The following KPNA5 variants were observed in gnomAD, a reference collection of about 807,000 sequenced individuals.
KPNA5 encodes karyopherin subunit alpha 5.
KPNA5 carries 46 observed loss-of-function variants against 71.3 expected under a neutral mutation model. That is an observed-to-expected ratio of 0.65 (90% CI 0.51 to 0.83). The LOEUF (loss-of-function observed/expected upper bound fraction) is 0.83, where lower values mean the gene tolerates loss of function less well. Ranked by LOEUF, KPNA5 falls within the 40% of genes least tolerant of loss-of-function variation. The pLI is 0.00. For missense variants in KPNA5, 547 were observed against 628.3 expected (o/e 0.87, Z 1.38); for synonymous variants, 207 against 201.4 (o/e 1.03, Z -0.24).
At chr6:116,712,193 A>G (rs9400953) in intron 7 of KPNA5, among the ~76,000 whole-genome samples, 42,423 of 151,968 alleles carry the variant, frequency 0.28, 6,676 homozygotes, top group African/African-American at 0.43. Context: ...TACCCACCTT[A>G]GCCTCCCAAA....
rs1192878563 is a variant in KPNA5, at chr6:116,739,784, G to A, written c.*7461G>A. On this transcript the variant is annotated 3_prime_UTR_variant, in exon 14 of 14. Coordinates refer to ENST00000368564, the MANE Select transcript of KPNA5 (RefSeq NM_001366306.2). ...TTTAATAAATGGTGCTGGGAAAACT[G>A]GCTAGCCATATGTAGAAAGCTGAAA... 1 of 151,472 alleles carries A rather than the reference G, an allele frequency of 6.6e-6. No individual in the cohort carries two copies. The highest frequency in any genetic ancestry group is 1.9e-4 in the East Asian group (1 of 5,190). The allele number at this position is 151,472 out of a possible 1,614,324, so 9.4% of individuals were successfully genotyped here. A position where few individuals can be genotyped will look rare whatever the true frequency, so the allele number is the denominator to read the frequency against.
intron 1 of KPNA5, among the ~76,000 whole-genome samples, chr6:116,688,397 A>G (rs1332744436): frequency 1.3e-5 from 2 of 152,154 alleles, no homozygotes; most frequent in Non-Finnish European, 2.9e-5. Context: ...ACAGAATAAC[A>G]TACTGGGTAC....
In KPNA5 at chr6:116,735,922, T is replaced by C. The variant is rs1001246576; in HGVS notation, c.*3599T>C. On this transcript the variant is annotated 3_prime_UTR_variant, in exon 14 of 14. Coordinates refer to ENST00000368564, the MANE Select transcript of KPNA5 (RefSeq NM_001366306.2). ...ATTAAAGTGCAGAGGTTATCAGTTT[T>C]AATAAAAAAGTAAGGCCGTATTTTG... The C allele has an allele frequency of 6.6e-6, 1 of 151,826 alleles. No individual in the cohort carries two copies. Among genetic ancestry groups the C allele is most frequent in the African/African-American group, 2.4e-5 (1 of 41,420 alleles). The allele number at this position is 151,826 out of a possible 1,614,324, so 9.4% of individuals were successfully genotyped here. A position where few individuals can be genotyped will look rare whatever the true frequency, so the allele number is the denominator to read the frequency against.
rs145582620 is a variant in KPNA5 at position 116,688,230 on chromosome 6, G to A, written c.5-1090G>A. ...CAAGATTTAAAGCATGTATTTTAGT[G>A]TACTCCTTACAATAAAATTTGCCAA... On this transcript the variant is annotated intron_variant, in intron 1 of 13. Transcript: ENST00000368564. Among the ~76,000 whole-genome samples, 535 of 152,186 alleles carry A rather than the reference G, an allele frequency of 3.5e-3. 5 individuals carry two copies. Among genetic ancestry groups the A allele is most frequent in the African/African-American group, 0.012 (511 of 41,522 alleles).
chr6:116,728,240 C>G (rs1174397862), intron 12 of KPNA5, among the ~76,000 whole-genome samples: 1 of 151,794 alleles, frequency 6.6e-6, no homozygotes, highest in Non-Finnish European at 1.5e-5. Flanking sequence ...ATTTGGGCTG[C>G]AAGTTTGTTC....
At chr6:116,730,634 G>A (rs1385704117) in intron 13 of KPNA5, among the ~76,000 whole-genome samples, 1 of 152,050 alleles carries the variant, frequency 6.6e-6, no homozygotes, top group Non-Finnish European at 1.5e-5. Flanking sequence ...CTTTCCAAAG[G>A]CCTGTTGCTG....
At chr6:116,693,363 G>A (rs1777884879) in intron 4 of KPNA5, among the ~76,000 whole-genome samples, 1 of 152,182 alleles carries the variant, frequency 6.6e-6, no homozygotes, top group African/African-American at 2.4e-5. Context: ...CAGTGTAAAA[G>A]TGTTCCTATT....
chr6:116,713,771 C>T (rs1268846608), intron 7 of KPNA5, among the ~76,000 whole-genome samples: 1 of 152,008 alleles, frequency 6.6e-6, no homozygotes, highest in Non-Finnish European at 1.5e-5. Context: ...ATTAACCTAT[C>T]TTAGGGTTGT....
chr6:116,681,646 C>A (rs1777361445), intron 1 of KPNA5: 1 of 771,742 alleles, frequency 1.3e-6, no homozygotes, highest in Non-Finnish European at 1.7e-6. Flanking sequence ...TAGTTCTTTT[C>A]AGTTAATGGA....
intron 3 of KPNA5, 51 bp from the exon 4 acceptor site, chr6:116,692,242 A>T: frequency 7.0e-7 from 1 of 1,430,904 alleles, no homozygotes; most frequent in Non-Finnish European, 9.7e-7. Context: ...ATGCAAAATT[A>T]TTCATGTAAA....
At chr6:116,731,207 T>A (rs1001037497) in intron 13 of KPNA5, among the ~76,000 whole-genome samples, 2 of 152,212 alleles carry the variant, frequency 1.3e-5, no homozygotes, top group South Asian at 4.1e-4. Flanking sequence ...CTGTATTAAG[T>A]CCTCTTACAT....
At chr6:116,687,097 T>C (rs1329554053) in intron 1 of KPNA5, among the ~76,000 whole-genome samples, 1 of 152,234 alleles carries the variant, frequency 6.6e-6, no homozygotes, top group Non-Finnish European at 1.5e-5. Flanking sequence ...AGGAATAGTG[T>C]TGAATCTGTA....
At chr6:116,706,889 C>T (rs915613751) in intron 7 of KPNA5, among the ~76,000 whole-genome samples, 5 of 151,940 alleles carry the variant, frequency 3.3e-5, no homozygotes, top group Non-Finnish European at 5.9e-5. Context: ...GCAGGCCGGG[C>T]GCAGTGGCTC....
At chr6:116,716,828 T>A (rs1778905957) in intron 8 of KPNA5, among the ~76,000 whole-genome samples, 1 of 152,190 alleles carries the variant, frequency 6.6e-6, no homozygotes, top group Non-Finnish European at 1.5e-5. Context: ...TTCTTTTGAA[T>A]TTAGTATCTA....
rs760289373 is a variant in KPNA5, at chr6:116,689,389, A to G, written c.74A>G (p.Gln25Arg). The G allele has an allele frequency of 6.2e-7, 1 of 1,610,584 alleles. No individual in the cohort carries two copies. ...TATAAGAATAAAGCCCTAAATCCTCAAGAGATGCGTAGACGAAGAGAAGAA... is the reference window on the plus strand; with the variant it reads ...TATAAGAATAAAGCCCTAAATCCTCGAGAGATGCGTAGACGAAGAGAAGAA... Reference protein sequence around the residue: ...KSYKNKALNPQEMRRRREEEG... With the variant: ...KSYKNKALNPREMRRRREEEG... Residue 25 changes from glutamine (Q) to arginine (R), a missense_variant, in exon 2 of 14, where the codon CAA (glutamine) becomes CGA (arginine). Physicochemically the swap from Gln to Arg is conservative, Grantham distance 43. Transcript: ENST00000368564.
At chr6:116,713,761 A>G (rs956937162) in intron 7 of KPNA5, among the ~76,000 whole-genome samples, 10 of 152,104 alleles carry the variant, frequency 6.6e-5, no homozygotes, top group Admixed American at 3.9e-4. Flanking sequence ...AATAATTTCA[A>G]TTAACCTATC....
intron 1 of KPNA5, among the ~76,000 whole-genome samples, chr6:116,683,896 CTTTTTTTTTT>C (rs140446065): frequency 2.5e-4 from 15 of 59,606 alleles, no homozygotes; most frequent in African/African-American, 5.4e-4. Flanking sequence ...CGTGCCCGGC[CTTTTTTTTTT>C]TTTTTTTTTT....
rs993066205 is a variant in KPNA5 at position 116,733,458 on chromosome 6, G to A, written c.*1135G>A. On this transcript the variant is annotated 3_prime_UTR_variant, in exon 14 of 14. Transcript: ENST00000368564. ...TTTTTTCTTTTAGTAATACTCAGAG[G>A]GTCATTCTGCTGCTTGTTATGAATC... is the stretch of plus-strand genomic sequence containing the variant. 3.3e-5 allele frequency: 5 copies of A among 151,294 alleles called. No individual in the cohort carries two copies. Among genetic ancestry groups the A allele is most frequent in the African/African-American group, 1.2e-4 (5 of 41,276 alleles). The allele number at this position is 151,294 out of a possible 1,614,324, so 9.4% of individuals were successfully genotyped here. A position where few individuals can be genotyped will look rare whatever the true frequency, so the allele number is the denominator to read the frequency against.
In KPNA5 at chr6:116,714,563, A is replaced by G. The variant is rs188357639; in HGVS notation, c.657-1656A>G. Among the ~76,000 whole-genome samples the G allele has an allele frequency of 2.0e-3, 302 of 152,222 alleles. 1 individual carries two copies. The highest frequency in any genetic ancestry group is 7.1e-3 in the African/African-American group (297 of 41,544). On this transcript the variant is annotated intron_variant, in intron 7 of 13. Coordinates refer to ENST00000368564, the MANE Select transcript of KPNA5 (RefSeq NM_001366306.2). ...TGTGGACTCTGCCCTGGACATGTGC[A>G]TGGGCCTTCAGACTGTCTGATACAT...
Sources: gnomAD v4.1 joint callset for allele counts (sites outside exome capture counted in the v4.1 genomes callset) on GRCh38, gnomAD v4.1.1 for gene constraint, MANE v1.5 for transcripts, NCBI Gene and HGNC (gene_info 2026-07-23, HGNC 2026-07-21) for gene names.